The following EPB41 variants were observed in gnomAD, a reference collection of about 807,000 sequenced individuals.
EPB41 encodes the protein erythrocyte membrane protein band 4.1, also known as protein 4.1.
In EPB41, 65 loss-of-function variants were observed where a neutral mutation model predicts 108.0. That is an observed-to-expected ratio of 0.60 (90% confidence interval 0.49 to 0.74). The LOEUF is 0.74. Among genes scored for constraint, EPB41 ranks in the 30% least tolerant of loss-of-function variants. EPB41 has a pLI of 0.00. For missense variants in EPB41, 875 were observed against 1,037.0 expected, an observed-to-expected ratio of 0.84 and a Z score of 2.15; for synonymous variants, 336 against 358.9, an observed-to-expected ratio of 0.94 and a Z score of 0.72.
chr1:28,897,489 C>T (rs2090792115), intron 1 of EPB41, among the ~76,000 whole-genome samples: 3 of 151,260 alleles, frequency 2.0e-5, no homozygotes, highest in African/African-American at 7.3e-5. Context: ...GTTGAGGCTG[C>T]AGTGAGCTGT....
chr1:28,892,337 A>C (rs919562931), intron 1 of EPB41, among the ~76,000 whole-genome samples: 1 of 152,128 alleles, frequency 6.6e-6, no homozygotes, highest in African/African-American at 2.4e-5. Context: ...GACGTGTTAC[A>C]TGTATTGACC....
chr1:29,015,802 T>TACAC, intron 6 of EPB41, 35 bp downstream of exon 6: 1 of 1,330,406 alleles, frequency 7.5e-7, no homozygotes, highest in Non-Finnish European at 1.1e-6. Context: ...TAATTTATCA[T>TACAC]ATAATAATGT....
At chr1:29,064,933 C>T (rs376126576) in intron 15 of EPB41, 49 bp from the exon 16 acceptor site, 7 of 1,611,434 alleles carry the variant, frequency 4.3e-6, no homozygotes, top group Non-Finnish European at 5.9e-6. Context: ...TGATTATGTT[C>T]TTTGTCCTGA....
At chr1:28,916,862 C>G (rs1332921121) in intron 1 of EPB41, among the ~76,000 whole-genome samples, 1 of 151,852 alleles carries the variant, frequency 6.6e-6, no homozygotes, top group Non-Finnish European at 1.5e-5. Flanking sequence ...ATGATCACGG[C>G]TCACTGCAGC....
chr1:28,917,216 C>G (rs1017329800), intron 1 of EPB41, among the ~76,000 whole-genome samples: 1 of 152,044 alleles, frequency 6.6e-6, no homozygotes, highest in Non-Finnish European at 1.5e-5. Context: ...TAGAACTACT[C>G]TGTAATAACC....
At chr1:29,080,411 CTTT>C (rs62880161) in intron 16 of EPB41, among the ~76,000 whole-genome samples, 8 of 139,694 alleles carry the variant, frequency 5.7e-5, no homozygotes, top group Non-Finnish European at 4.7e-5. Flanking sequence ...CCCTTTTTTT[CTTT>C]TTTTTTTTTT....
chr1:29,115,454 G>A lies in EPB41; in HGVS notation c.2497-245G>A, dbSNP rs1024824684. On this transcript the variant is annotated intron_variant, in intron 19 of 20. Transcript: ENST00000343067. This position sits in a 1 kb window ranked among gnomAD's most constrained non-coding sequence, Gnocchi z 4.4. ...TATAACAGATACAGCTATGACCCCC[G>A]AAGTCCCTCTCCAGTTCCTAGAAGA... 1.7e-4 allele frequency among the ~76,000 whole-genome samples: 26 copies of A among 151,954 alleles called. No individual in the cohort carries two copies. Among genetic ancestry groups the A allele is most frequent in the Non-Finnish European group, 3.4e-4 (23 of 67,958 alleles).
chr1:29,013,765 G>A (rs2096539653), intron 5 of EPB41, among the ~76,000 whole-genome samples: 1 of 151,324 alleles, frequency 6.6e-6, no homozygotes, highest in Middle Eastern at 3.2e-3. Flanking sequence ...CTGACCTCGG[G>A]TGATCCACCC....
intron 11 of EPB41, chr1:29,041,398 T>G (rs1379404670): frequency 6.6e-6 from 1 of 152,186 alleles, no homozygotes; most frequent in Admixed American, 6.5e-5. Flanking sequence ...GAGAATTGCT[T>G]AAACCTGGGA....
Position 29,109,392 on chromosome 1 carries a change from C to CT in EPB41, c.2370_2371insT (p.Thr791TyrfsTer3). 1 of 1,614,122 alleles carries CT rather than the reference C, an allele frequency of 6.2e-7. No individual in the cohort carries two copies. The highest frequency in any genetic ancestry group is 8.5e-7 in the Non-Finnish European group (1 of 1,180,014). On this transcript the variant is annotated frameshift_variant, in exon 18 of 21. Coordinates refer to ENST00000343067, the MANE Select transcript of EPB41 (RefSeq NM_001376013.1). LOFTEE classifies it high-confidence loss of function. ...GAGTCTTGCTGACAGCTCAAACTATCACATCTGAGACCCCAAGCAGCACCA... is the reference window on the plus strand; with the variant it reads ...GAGTCTTGCTGACAGCTCAAACTATCTACATCTGAGACCCCAAGCAGCACCA...
chr1:28,965,955 G>C (rs1438015480), intron 1 of EPB41, among the ~76,000 whole-genome samples: 1 of 152,094 alleles, frequency 6.6e-6, no homozygotes, highest in East Asian at 1.9e-4. Context: ...GGCTGAGACG[G>C]GTGGATCACC....
rs1410766581 is a variant in EPB41 at position 29,117,510 on chromosome 1, C to G, written c.*698C>G. On this transcript the variant is annotated 3_prime_UTR_variant, in exon 21 of 21. Coordinates refer to ENST00000343067, the MANE Select transcript of EPB41 (RefSeq NM_001376013.1). Reference sequence around the variant, plus strand: ...AAGACATGGAAGTTGCTTCAGATATCTGATACTGTGAATGTTTGAACATAT... The same window carrying G: ...AAGACATGGAAGTTGCTTCAGATATGTGATACTGTGAATGTTTGAACATAT... 6.6e-6 allele frequency: 1 copy of G among 152,662 alleles called. No individual in the cohort carries two copies. The highest frequency in any genetic ancestry group is 1.5e-5 in the Non-Finnish European group (1 of 68,066). 9.5% of individuals were successfully genotyped at this position (152,662 alleles called of 1,614,324 possible).
intron 4 of EPB41, among the ~76,000 whole-genome samples, chr1:29,010,087 AGCACTTT>A (rs1189265972): frequency 1.3e-5 from 2 of 152,144 alleles, no homozygotes; most frequent in Non-Finnish European, 2.9e-5. Context: ...CTGTAATCTC[AGCACTTT>A]GGGAGGCCGA....
intron 1 of EPB41, among the ~76,000 whole-genome samples, chr1:28,899,032 AAG>A (rs1055880385): frequency 1.3e-5 from 2 of 152,174 alleles, no homozygotes; most frequent in Non-Finnish European, 2.9e-5. Context: ...GCTAGCCACC[AAG>A]TCCCTTATGG....
intron 16 of EPB41, among the ~76,000 whole-genome samples, chr1:29,090,774 A>C (rs770457941): frequency 6.6e-5 from 10 of 152,094 alleles, no homozygotes; most frequent in Non-Finnish European, 1.5e-5. Flanking sequence ...ATGATAGAGG[A>C]AGTTGGGGTG....
chr1:28,906,378 T>C (rs2091828556), intron 1 of EPB41, among the ~76,000 whole-genome samples: 1 of 152,196 alleles, frequency 6.6e-6, no homozygotes, highest in Non-Finnish European at 1.5e-5. Context: ...TGTCAGCTAG[T>C]AGGTGGCACA....
upstream of EPB41, among the ~76,000 whole-genome samples, chr1:28,910,197 TTG>T (rs2092161167): frequency 6.6e-6 from 1 of 152,224 alleles, no homozygotes. Context: ...ACATTTTTTC[TTG>T]TGTTTCTAAA....
intron 12 of EPB41, among the ~76,000 whole-genome samples, chr1:29,056,960 T>G (rs1261718891): frequency 2.0e-5 from 3 of 152,214 alleles, no homozygotes; most frequent in African/African-American, 7.2e-5. Flanking sequence ...CACTATTGTT[T>G]GCTAAATGTA....
chr1:28,996,392 T>C (rs1344371418), intron 3 of EPB41, among the ~76,000 whole-genome samples: 4 of 152,222 alleles, frequency 2.6e-5, no homozygotes, highest in Non-Finnish European at 5.9e-5. Flanking sequence ...TTATTCATTT[T>C]TCTGAAAGAG....
Sources: gnomAD v4.1 joint callset for allele counts (sites outside exome capture counted in the v4.1 genomes callset) on GRCh38, gnomAD v4.1.1 for gene constraint, Gnocchi (gnomAD v3.1) non-coding constraint, MANE v1.5 for transcripts, NCBI Gene and HGNC (gene_info 2026-07-23, HGNC 2026-07-21) for gene names.